Variants in CLOCK observed in about 807,000 individuals in gnomAD.
The protein encoded by CLOCK is circadian locomoter output cycles protein kaput.
In CLOCK, 43 loss-of-function variants were observed where a neutral mutation model predicts 118.4. The observed-to-expected ratio is 0.36, with a 90% CI of 0.28 to 0.47. The LOEUF is 0.47. CLOCK is among the 20% of genes least tolerant of loss of function. CLOCK has a pLI of 1.00. For missense variants in CLOCK, 846 were observed against 999.9 expected (o/e 0.85, Z 2.08); for synonymous variants, 326 against 339.2 (o/e 0.96, Z 0.43).
chr4:55,448,643 T>TGTGTGTGC, intron 18 of CLOCK, 136 bp downstream of exon 18: 1 of 579,620 alleles, frequency 1.7e-6, no homozygotes, highest in Non-Finnish European at 3.2e-6. Flanking sequence ...TGTGTGTGTG[T>TGTGTGTGC]GCTCCTACCT....
chr4:55,457,393 C>T (rs1724993246), intron 11 of CLOCK, among the ~76,000 whole-genome samples: 1 of 152,140 alleles, frequency 6.6e-6, no homozygotes, highest in Non-Finnish European at 1.5e-5. Context: ...TCAATTCTAT[C>T]TCATCCATCT....
At chr4:55,479,844 G>C (rs1726795441) in intron 4 of CLOCK, 145 bp from the exon 5 acceptor site, 1 of 648,910 alleles carries the variant, frequency 1.5e-6, no homozygotes, top group Non-Finnish European at 2.8e-6. Context: ...CTATTTCCTA[G>C]TAAACATTCA....
chr4:55,463,317 T>C (rs1725502915), intron 9 of CLOCK, among the ~76,000 whole-genome samples: 1 of 152,092 alleles, frequency 6.6e-6, no homozygotes, highest in African/African-American at 2.4e-5. Context: ...GAGTGTCCAA[T>C]TGGTTAACAA....
At chr4:55,511,111 G>A (rs2110026288) in intron 1 of CLOCK, among the ~76,000 whole-genome samples, 1 of 152,260 alleles carries the variant, frequency 6.6e-6, no homozygotes, top group African/African-American at 2.4e-5. Context: ...AGAATCAACT[G>A]ATCATCAAGC....
At chr4:55,545,090 G>A (rs1386795844) in intron 1 of CLOCK, among the ~76,000 whole-genome samples, 2 of 138,476 alleles carry the variant, frequency 1.4e-5, no homozygotes, top group Non-Finnish European at 3.1e-5. Context: ...TATACTTTAA[G>A]TTCTAGGGTA....
intron 11 of CLOCK, 23 bp from the exon 12 acceptor site, chr4:55,456,323 TATAA>T: frequency 7.1e-7 from 1 of 1,399,328 alleles, no homozygotes; most frequent in Non-Finnish European, 9.9e-7. Context: ...AATTAAAATT[TATAA>T]ATACTTTGTG....
At chr4:55,435,882 T>A (rs1318022258) in intron 22 of CLOCK, among the ~76,000 whole-genome samples, 1 of 152,224 alleles carries the variant, frequency 6.6e-6, no homozygotes, top group African/African-American at 2.4e-5. Context: ...TTCTTTCACT[T>A]TATGTCCTAA....
intron 9 of CLOCK, among the ~76,000 whole-genome samples, chr4:55,462,901 G>C (rs1367937919): frequency 1.3e-5 from 2 of 152,010 alleles, no homozygotes; most frequent in Non-Finnish European, 1.5e-5. Flanking sequence ...TATAGAATTT[G>C]AGGATTCAAA....
At chr4:55,485,188 C>T (rs1727217358) in intron 3 of CLOCK, among the ~76,000 whole-genome samples, 2 of 152,110 alleles carry the variant, frequency 1.3e-5, no homozygotes, top group Admixed American at 6.5e-5. Context: ...TGGTCTCGAA[C>T]TCCTCAACTC....
chr4:55,479,741 A>G (rs995277724), intron 4 of CLOCK, 42 bp from the exon 5 acceptor site: 3 of 1,462,712 alleles, frequency 2.1e-6, no homozygotes, highest in Admixed American at 1.7e-5. Flanking sequence ...AGACTCACTA[A>G]GCAACAGCAA....
chr4:55,481,317 A>G (rs1218087240), intron 4 of CLOCK, among the ~76,000 whole-genome samples: 1 of 152,178 alleles, frequency 6.6e-6, no homozygotes, highest in African/African-American at 2.4e-5. Flanking sequence ...CCGAGAACAG[A>G]GTTCATAACT....
At chr4:55,475,078 G>T (rs149444445) in intron 7 of CLOCK, among the ~76,000 whole-genome samples, 1 of 152,300 alleles carries the variant, frequency 6.6e-6, no homozygotes, top group Non-Finnish European at 1.5e-5. Flanking sequence ...CTTCTGGAAA[G>T]AATTCACCCG....
intron 18 of CLOCK, among the ~76,000 whole-genome samples, chr4:55,445,433 T>G (rs1723726770): frequency 6.6e-6 from 1 of 151,998 alleles, no homozygotes; most frequent in Non-Finnish European, 1.5e-5. Context: ...ATAGCCACAT[T>G]TGCCCCAAGA....
At position 55,479,545 on chromosome 4, in the gene CLOCK, A is replaced by G. The variant is rs1726770652; in HGVS notation, c.107+95T>C. ...GCTAATATATCTAAACTCCTAAAGC[A>G]CATAGCTTTTGGAAATCATTTATTC... On this transcript the variant is annotated intron_variant, in intron 5 of 22. Coordinates refer to ENST00000513440, the MANE Select transcript of CLOCK (RefSeq NM_004898.4). The G allele has an allele frequency of 7.0e-6, 7 of 1,006,610 alleles. No homozygotes were observed. In the Admixed American group the frequency reaches 1.4e-4, roughly 19 times the overall value. 62.4% of individuals were successfully genotyped at this position (1,006,610 alleles called of 1,614,324 possible).
At chr4:55,474,701 G>C (rs1248240121) in intron 7 of CLOCK, among the ~76,000 whole-genome samples, 1 of 152,180 alleles carries the variant, frequency 6.6e-6, no homozygotes, top group Admixed American at 6.5e-5. Flanking sequence ...AAGCCCTTAA[G>C]AAGTATGCCC....
intron 6 of CLOCK, among the ~76,000 whole-genome samples, chr4:55,477,626 A>G (rs1324967284): frequency 6.6e-6 from 1 of 152,146 alleles, no homozygotes; most frequent in Non-Finnish European, 1.5e-5. Flanking sequence ...GAGGACATGC[A>G]AAAGAAAGAT....
chr4:55,539,460 G>C (rs1218904741), intron 1 of CLOCK, among the ~76,000 whole-genome samples: 2 of 150,000 alleles, frequency 1.3e-5, no homozygotes, highest in African/African-American at 4.9e-5. Context: ...TGTGGTTCCA[G>C]CTACTGAGGA....
chr4:55,448,598 G>GCGCA (rs1560421272), intron 18 of CLOCK, among the ~76,000 whole-genome samples, 181 bp downstream of exon 18: 1 of 73,982 alleles, frequency 1.4e-5, no homozygotes, highest in Non-Finnish European at 2.5e-5. Context: ...GCGCGCACGC[G>GCGCA]CGCGTGTGTG....
At chr4:55,499,937 A>G (rs1728328436) in intron 2 of CLOCK, among the ~76,000 whole-genome samples, 1 of 152,136 alleles carries the variant, frequency 6.6e-6, no homozygotes. Context: ...CAGCTTCCAG[A>G]GTTCTCTTTC....
Sources: allele counts gnomAD v4.1 joint callset (sites outside exome capture counted in the v4.1 genomes callset), GRCh38; gene constraint gnomAD v4.1.1; transcripts MANE v1.5; gene names NCBI Gene and HGNC (gene_info 2026-07-23, HGNC 2026-07-21).